The following BNC2 variants were observed in gnomAD, a reference collection of about 807,000 sequenced individuals.
BNC2 encodes zinc finger protein basonuclin-2.
A neutral mutation model predicts 76.3 loss-of-function variants in BNC2; 20 were observed. That is an observed-to-expected ratio of 0.26 (90% CI 0.18 to 0.38). The LOEUF is 0.38. Among genes scored for constraint, BNC2 ranks in the 10% least tolerant of loss-of-function variants. The pLI, the probability that BNC2 is intolerant of heterozygous loss-of-function variation, is 1.00. For synonymous variants in BNC2, 582 were observed against 514.8 expected (o/e 1.13, Z -1.77); for missense variants, 1,382 against 1,399.8 (o/e 0.99, Z 0.20).
intron 5 of BNC2, chr9:16,473,374 G>C (rs1413969034): frequency 2.6e-5 from 4 of 152,000 alleles, no homozygotes; most frequent in African/African-American, 9.7e-5. Flanking sequence ...TGCTATACAG[G>C]GATATGAGGT....
At position 16,583,065 on chromosome 9, in the gene BNC2, T is replaced by C. The variant is rs1819671978; in HGVS notation, c.351A>G (p.Val117=). 1.2e-6 allele frequency: 2 copies of C among 1,613,980 alleles called. No individual in the cohort carries two copies. Among genetic ancestry groups the C allele is most frequent in the South Asian group, 1.1e-5 (1 of 91,096 alleles). The change falls in exon 4 of 7, where the codon GTA becomes GTG. Residue 117 remains valine (V), a synonymous_variant. Coordinates refer to ENST00000380672, the MANE Select transcript of BNC2 (RefSeq NM_017637.6). The stretch of plus-strand genomic sequence containing the variant: ...GCTGAAAACATTCACATGTGCAGTT[T>C]ACCAGTGTGCAACGGATGGCCTGAA... ...MSQQAIRCTL[V]NCTCECFQPG...
At position 16,419,076 on chromosome 9, in the gene BNC2, A is replaced by G; in HGVS notation, c.3213T>C (p.Asn1071=). The G allele has an allele frequency of 6.2e-7, 1 of 1,614,176 alleles. No individual in the cohort carries two copies. Among genetic ancestry groups the G allele is most frequent in the Non-Finnish European group, 8.5e-7 (1 of 1,180,032 alleles). ...EMHKCKVPGC[N]MMFSSVRSRN... ...GGCTTCGTACAGAGGAAAACATCATATTGCAACCTGGGACTTTGCACTTGT... is the reference window on the plus strand; with the variant it reads ...GGCTTCGTACAGAGGAAAACATCATGTTGCAACCTGGGACTTTGCACTTGT... Residue 1071 remains asparagine, a synonymous_variant, in exon 7 of 7, where the codon AAT becomes AAC. Transcript: ENST00000380672.
intron 1 of BNC2, among the ~76,000 whole-genome samples, chr9:16,799,497 T>C (rs997980741): frequency 1.3e-5 from 2 of 152,084 alleles, no homozygotes; most frequent in African/African-American, 2.4e-5. Context: ...GTATTTTTAG[T>C]AGAGACAGGG....
At chr9:16,647,571 G>GT (rs1821671490) in intron 3 of BNC2, among the ~76,000 whole-genome samples, 1 of 152,150 alleles carries the variant, frequency 6.6e-6, no homozygotes, top group African/African-American at 2.4e-5. Flanking sequence ...TGGGAAAAGT[G>GT]TAAGATGACA....
Position 16,667,552 on chromosome 9 carries a change from T to C in BNC2, c.330+60245A>G, listed in dbSNP as rs1458626937. ...TCCAATTATCAGAAAGTGAGGATTATCTGAGCAAATAATACTTTCAACTTC... is the reference window on the plus strand; with the variant it reads ...TCCAATTATCAGAAAGTGAGGATTACCTGAGCAAATAATACTTTCAACTTC... On this transcript the variant is annotated intron_variant, in intron 3 of 6. Transcript: ENST00000380672. 2.0e-5 allele frequency among the ~76,000 whole-genome samples: 3 copies of C among 152,224 alleles called. No homozygotes were observed. In the East Asian group the frequency reaches 5.8e-4, roughly 29 times the overall value.
chr9:16,751,908 A>G (rs1310391128), intron 1 of BNC2, among the ~76,000 whole-genome samples: 1 of 151,712 alleles, frequency 6.6e-6, no homozygotes, highest in African/African-American at 2.4e-5. Flanking sequence ...GGGCGCCTGT[A>G]ATCTCAGCTA....
intron 1 of BNC2, among the ~76,000 whole-genome samples, chr9:16,860,177 A>C (rs964893839): frequency 6.6e-6 from 1 of 152,232 alleles, no homozygotes; most frequent in African/African-American, 2.4e-5. Context: ...CCACAATCCA[A>C]ATTGCTTTTT....
In BNC2 at chr9:16,640,355, T is replaced by C. The variant is rs551089843; in HGVS notation, c.331-57270A>G. Among the ~76,000 whole-genome samples, 171 of 152,314 alleles carry C rather than the reference T, an allele frequency of 1.1e-3. 1 individual carries two copies. Among genetic ancestry groups the C allele is most frequent in the African/African-American group, 4.0e-3 (166 of 41,572 alleles). ...ATATCCAGATCATCTAAACAGATTA[T>C]ATTAAATACAAATACATGAGAGTTC... On this transcript the variant is annotated intron_variant, in intron 3 of 6. Coordinates refer to ENST00000380672, the MANE Select transcript of BNC2 (RefSeq NM_017637.6).
chr9:16,608,404 T>C (rs1449016772), intron 3 of BNC2, among the ~76,000 whole-genome samples: 3 of 152,136 alleles, frequency 2.0e-5, no homozygotes, highest in Non-Finnish European at 2.9e-5. Flanking sequence ...TCCCCCTTCT[T>C]TCTTGTCTAT....
chr9:16,470,894 G>A (rs1821809037), intron 5 of BNC2, among the ~76,000 whole-genome samples: 2 of 152,234 alleles, frequency 1.3e-5, no homozygotes, highest in South Asian at 4.1e-4. Flanking sequence ...TCCCTGCTAG[G>A]GCACTGCTTC....
chr9:16,719,858 T>G (rs117610736), intron 3 of BNC2, among the ~76,000 whole-genome samples: 1,672 of 152,334 alleles, frequency 0.011, 16 homozygotes, highest in Non-Finnish European at 0.019. Context: ...GCAGTTTGTC[T>G]GAAAGAATCA....
intron 3 of BNC2, among the ~76,000 whole-genome samples, chr9:16,594,140 T>C (rs1171748298): frequency 2.0e-5 from 3 of 152,154 alleles, no homozygotes; most frequent in Non-Finnish European, 4.4e-5. Context: ...TTAAGCACTT[T>C]ACAAAGAAAC....
chr9:16,754,480 A>G (rs1002180867), intron 1 of BNC2, among the ~76,000 whole-genome samples: 2 of 152,192 alleles, frequency 1.3e-5, no homozygotes, highest in African/African-American at 4.8e-5. Context: ...GTTCTTGTAA[A>G]TACAAATGGG....
chr9:16,794,109 A>G (rs1488106837), intron 1 of BNC2, among the ~76,000 whole-genome samples: 1 of 152,112 alleles, frequency 6.6e-6, no homozygotes, highest in East Asian at 1.9e-4. Context: ...AGTGCTGGGT[A>G]TCAGTGACAT....
intron 1 of BNC2, among the ~76,000 whole-genome samples, chr9:16,817,841 G>A (rs1459208871): frequency 1.3e-5 from 2 of 152,088 alleles, no homozygotes; most frequent in South Asian, 2.1e-4. Flanking sequence ...AATGTCTGCC[G>A]TCTTGAAATT....
intron 3 of BNC2, among the ~76,000 whole-genome samples, chr9:16,624,269 G>A (rs1439675841): frequency 2.0e-5 from 3 of 152,068 alleles, no homozygotes; most frequent in South Asian, 2.1e-4. Flanking sequence ...TATGAAAACC[G>A]AAAACCACCT....
intron 5 of BNC2, among the ~76,000 whole-genome samples, chr9:16,548,329 C>T (rs1212810015): frequency 2.0e-5 from 3 of 152,048 alleles, no homozygotes; most frequent in Non-Finnish European, 4.4e-5. Context: ...GAGGGGGCCA[C>T]TGCTTCCATT....
intron 3 of BNC2, among the ~76,000 whole-genome samples, chr9:16,671,478 T>C (rs970390530): frequency 6.6e-6 from 1 of 152,212 alleles, no homozygotes. Context: ...AGACAATCTC[T>C]GTACAGTGCC....
intron 1 of BNC2, among the ~76,000 whole-genome samples, chr9:16,808,352 C>A (rs1364135681): frequency 6.6e-6 from 1 of 151,996 alleles, no homozygotes. Context: ...CTGTGCTATT[C>A]CCATTAGAAG....
Sources: allele counts gnomAD v4.1 joint callset (sites outside exome capture counted in the v4.1 genomes callset), GRCh38; gene constraint gnomAD v4.1.1; transcripts MANE v1.5; gene names NCBI Gene and HGNC (gene_info 2026-07-23, HGNC 2026-07-21).